PCDH15: variants seen among roughly 807,000 people sequenced by gnomAD.
PCDH15 encodes the protein protocadherin-15.
A neutral mutation model predicts 178.5 loss-of-function variants in PCDH15; 129 were observed. The observed-to-expected ratio is 0.72, with a 90% CI of 0.63 to 0.84. The LOEUF (loss-of-function observed/expected upper bound fraction) is 0.84, where lower values mean the gene tolerates loss of function less well. Ranked by LOEUF, PCDH15 falls within the 40% of genes least tolerant of loss-of-function variation. The pLI is 0.00. For synonymous variants in PCDH15, 800 were observed against 732.0 expected, an observed-to-expected ratio of 1.09 and a Z score of -1.50; for missense variants, 2,230 against 2,099.9, an observed-to-expected ratio of 1.06 and a Z score of -1.21.
rs1421915104 is a variant in PCDH15, at chr10:54,022,877, C to T, written c.2526+15G>A. On this transcript the variant is annotated intron_variant, in intron 19 of 37. Coordinates refer to ENST00000644397, the MANE Select transcript of PCDH15 (RefSeq NM_001384140.1). ...TAATGTAGGATTCATGTAATAAATG[C>T]TTTTTCCCACACACCTCTATTTGAA... 1.5e-5 allele frequency: 25 copies of T among 1,613,240 alleles called. No individual in the cohort carries two copies. Among genetic ancestry groups the T allele is most frequent in the Admixed American group, 5.0e-5 (3 of 59,960 alleles).
rs1383992259 is a variant in PCDH15, at chr10:53,805,912, G to A, written c.*667C>T. 1 of 152,028 alleles carries A rather than the reference G, an allele frequency of 6.6e-6. No individual in the cohort carries two copies. Among genetic ancestry groups the A allele is most frequent in the Admixed American group, 6.6e-5 (1 of 15,240 alleles). The allele number at this position is 152,028 out of a possible 1,614,324, so 9.4% of individuals were successfully genotyped here. On this transcript the variant is annotated 3_prime_UTR_variant, in exon 38 of 38. Coordinates refer to ENST00000644397, the MANE Select transcript of PCDH15 (RefSeq NM_001384140.1). ...TGAGATGAAGGGACAAGAGAATATT[G>A]TAAATAATATTGATAAAAAGACATA...
intron 2 of PCDH15, among the ~76,000 whole-genome samples, chr10:55,075,983 C>A (rs1841876360): frequency 6.6e-6 from 1 of 152,004 alleles, no homozygotes; most frequent in African/African-American, 2.4e-5. Context: ...ATGTTAATAT[C>A]TATATTGAAC....
At chr10:55,487,042 C>T (rs12412734) in intron 2 of PCDH15, among the ~76,000 whole-genome samples, 8,541 of 151,572 alleles carry the variant, frequency 0.056, 663 homozygotes, top group East Asian at 0.32. Context: ...TAAATCTATA[C>T]AAATTATAAT....
At chr10:54,655,656 G>T (rs1051196736) in intron 2 of PCDH15, 1 of 152,068 alleles carries the variant, frequency 6.6e-6, no homozygotes, top group Non-Finnish European at 1.5e-5. Flanking sequence ...AGAACTTAGA[G>T]AAGTCACAGA....
At chr10:55,481,741 G>A (rs376392744) in intron 2 of PCDH15, among the ~76,000 whole-genome samples, 2 of 151,740 alleles carry the variant, frequency 1.3e-5, no homozygotes, top group African/African-American at 4.8e-5. Context: ...GCTGAGGAGT[G>A]TTTTACTTCC....
Position 54,522,087 on chromosome 10 carries a change from C to CAAA in PCDH15, c.157+5722_157+5724dup, listed in dbSNP as rs11313978. Among the ~76,000 whole-genome samples, 413 of 58,774 alleles carry CAAA rather than the reference C, an allele frequency of 7.0e-3. 4 individuals carry two copies. The highest frequency in any genetic ancestry group is 0.024 in the African/African-American group (379 of 15,744). 38.6% of individuals were successfully genotyped at this position (58,774 alleles called of 152,430 possible). ...TGAGTGACAGAGTGAGAATCCATCT[C>CAAA]AAAAAAAAAAAAAAAAAAAAAAAGG... is the stretch of plus-strand genomic sequence containing the variant. On this transcript the variant is annotated intron_variant, in intron 3 of 37. Transcript: ENST00000644397.
At chr10:54,968,894 T>A (rs1838862938) in intron 2 of PCDH15, among the ~76,000 whole-genome samples, 1 of 152,182 alleles carries the variant, frequency 6.6e-6, no homozygotes, top group Non-Finnish European at 1.5e-5. Flanking sequence ...CGTGTTTATT[T>A]TTTTGTTAAT....
At chr10:55,539,773 T>C (rs1203051477) in intron 2 of PCDH15, among the ~76,000 whole-genome samples, 1 of 152,156 alleles carries the variant, frequency 6.6e-6, no homozygotes, top group Non-Finnish European at 1.5e-5. Context: ...ATACAGTTAA[T>C]TTTTCAAATG....
chr10:54,856,953 TG>T (rs1953752440), intron 3 of PCDH15, among the ~76,000 whole-genome samples: 1 of 151,852 alleles, frequency 6.6e-6, no homozygotes, highest in African/African-American at 2.4e-5. Context: ...TGTGCTGTTT[TG>T]TTTTTGTTTT....
chr10:54,303,911 A>G (rs2060300868), intron 8 of PCDH15, among the ~76,000 whole-genome samples: 1 of 152,136 alleles, frequency 6.6e-6, no homozygotes, highest in African/African-American at 2.4e-5. Flanking sequence ...AAACCATTCT[A>G]CATTTCTCCT....
chr10:55,270,183 C>G (rs1842405757), intron 1 of PCDH15, among the ~76,000 whole-genome samples: 1 of 152,066 alleles, frequency 6.6e-6, no homozygotes, highest in African/African-American at 2.4e-5. Flanking sequence ...TATAACAACC[C>G]TAGAAGAAAA....
chr10:55,453,702 C>T (rs1839484590), intron 2 of PCDH15, among the ~76,000 whole-genome samples: 1 of 152,048 alleles, frequency 6.6e-6, no homozygotes, highest in South Asian at 2.1e-4. Flanking sequence ...ACTATAGGGC[C>T]CTTTCCACAA....
At chr10:54,736,229 T>C (rs1944099768) in intron 1 of PCDH15, among the ~76,000 whole-genome samples, 1 of 152,074 alleles carries the variant, frequency 6.6e-6, no homozygotes, top group Non-Finnish European at 1.5e-5. Context: ...ACCTTGCTCT[T>C]GATAAATGCT....
chr10:54,031,645 T>C (rs2093298617), intron 18 of PCDH15, among the ~76,000 whole-genome samples: 1 of 152,192 alleles, frequency 6.6e-6, no homozygotes, highest in Non-Finnish European at 1.5e-5. Context: ...TCAAATTAAA[T>C]AAGACAGTTT....
In PCDH15 at chr10:54,664,183, T is replaced by C. The variant is rs1315064709; in HGVS notation, c.80A>G (p.Gln27Arg). The C allele has an allele frequency of 2.5e-6, 4 of 1,611,876 alleles. No individual in the cohort carries two copies. The highest frequency in any genetic ancestry group is 3.4e-6 in the Non-Finnish European group (4 of 1,178,666). ...AAAAGCAACCTTACCATCATCATAC[T>C]GGCCCAAGCAGATTTCAAAGAGAGA... Reference protein sequence around the residue: ...LGSLFEICLGQYDDDCKLARG... With the variant: ...LGSLFEICLGRYDDDCKLARG... Residue 27 changes from glutamine (Q) to arginine (R), a missense_variant, in exon 2 of 38, where the codon CAG becomes CGG. Gln to Arg is a conservative substitution (Grantham distance 43). Coordinates refer to ENST00000644397, the MANE Select transcript of PCDH15 (RefSeq NM_001384140.1).
intron 2 of PCDH15, among the ~76,000 whole-genome samples, chr10:55,521,352 T>C (rs1353653825): frequency 6.6e-6 from 1 of 151,850 alleles, no homozygotes; most frequent in African/African-American, 2.4e-5. Flanking sequence ...ATCAAAAGTA[T>C]TTTAAAGTCA....
At chr10:54,504,174 G>T (rs994583063) in intron 3 of PCDH15, among the ~76,000 whole-genome samples, 7 of 152,008 alleles carry the variant, frequency 4.6e-5, no homozygotes, top group African/African-American at 1.7e-4. Flanking sequence ...ATATTTCTTG[G>T]ATGTGACTTG....
chr10:55,458,435 C>T (rs552776995), intron 2 of PCDH15, among the ~76,000 whole-genome samples: 7 of 151,952 alleles, frequency 4.6e-5, no homozygotes, highest in Non-Finnish European at 7.4e-5. Flanking sequence ...ATAAAATATC[C>T]TTAAAGAATC....
chr10:54,055,974 G>A (rs1250394228), intron 18 of PCDH15, among the ~76,000 whole-genome samples: 17 of 152,144 alleles, frequency 1.1e-4, no homozygotes, highest in Admixed American at 1.1e-3. Context: ...ATGACATCAG[G>A]TTTATAATGA....
Sources: allele counts gnomAD v4.1 joint callset (sites outside exome capture counted in the v4.1 genomes callset), GRCh38; gene constraint gnomAD v4.1.1; transcripts MANE v1.5; gene names NCBI Gene and HGNC (gene_info 2026-07-23, HGNC 2026-07-21).